The following NEK9 variants were observed in gnomAD, a reference collection of about 807,000 sequenced individuals.
NEK9 encodes NIMA related kinase 9.
Under a neutral mutation model 123.4 loss-of-function variants are expected in NEK9, and 75 were observed. The ratio of observed to expected loss-of-function variants is 0.61; its 90% CI spans 0.50 to 0.74. The LOEUF is 0.74. Ranked by LOEUF, NEK9 falls within the 30% of genes least tolerant of loss-of-function variation. The pLI is 0.00. For synonymous variants in NEK9, 438 were observed against 458.7 expected (o/e 0.95, Z 0.58); for missense variants, 952 against 1,214.4 (o/e 0.78, Z 3.21).
intron 5 of NEK9, 54 bp downstream of exon 5, chr14:75,118,776 A>G (rs1042396502): frequency 4.0e-6 from 4 of 1,012,566 alleles, no homozygotes; most frequent in Non-Finnish European, 6.2e-6. Context: ...GAGTACAGTT[A>G]TATTTCACAG....
rs995539306 is a variant in NEK9 at position 75,081,308 on chromosome 14, T to C, written c.*3256A>G. On this transcript the variant is annotated 3_prime_UTR_variant, in exon 22 of 22. Transcript: ENST00000238616. This position sits in a 1 kb window ranked among gnomAD's most constrained non-coding sequence, Gnocchi z 4.2. ...ACAGCACCTTCTGGCCAATGTTTGC[T>C]TTCATTATCAATTTATCACTCTCCA... The C allele has an allele frequency of 6.6e-6, 1 of 152,224 alleles. No homozygotes were observed. The highest frequency in any genetic ancestry group is 1.5e-5 in the Non-Finnish European group (1 of 68,046). The allele number at this position is 152,224 out of a possible 1,614,324, so 9.4% of individuals were successfully genotyped here.
chr14:75,123,038 G>A lies in NEK9; in HGVS notation c.397+1008C>T, dbSNP rs1895393192. Among the ~76,000 whole-genome samples the A allele has an allele frequency of 3.3e-5, 5 of 151,958 alleles. No individual in the cohort carries two copies. The South Asian group carries it at 1.0e-3, about 32-fold the overall frequency. ...TCAAACTCCTATGCTCAAGTGATCT[G>A]CTTGTCTTGGCTTCTCAAAGCGCTG... On this transcript the variant is annotated intron_variant, in intron 2 of 21. Coordinates refer to ENST00000238616, the MANE Select transcript of NEK9 (RefSeq NM_033116.6).
intron 8 of NEK9, among the ~76,000 whole-genome samples, chr14:75,111,760 G>A (rs1017176861): frequency 2.6e-5 from 4 of 152,094 alleles, no homozygotes; most frequent in Non-Finnish European, 1.5e-5. Flanking sequence ...GCGTGGTGGC[G>A]CCTGCCTGTA....
intron 1 of NEK9, among the ~76,000 whole-genome samples, chr14:75,125,884 A>G (rs1895506428): frequency 6.6e-6 from 1 of 152,236 alleles, no homozygotes; most frequent in African/African-American, 2.4e-5. Flanking sequence ...TTTTATGATC[A>G]AATCTAGTGT....
At chr14:75,116,501 G>A in intron 6 of NEK9, 1 of 359,090 alleles carries the variant, frequency 2.8e-6, no homozygotes, top group South Asian at 2.6e-5. Flanking sequence ...CACGTTTCTA[G>A]GAAAGTGATG....
At chr14:75,112,070 T>G (rs1894975492) in intron 8 of NEK9, among the ~76,000 whole-genome samples, 1 of 152,136 alleles carries the variant, frequency 6.6e-6, no homozygotes, top group Non-Finnish European at 1.5e-5. Flanking sequence ...TTTCAGGCAC[T>G]AAAACACTGG....
chr14:75,117,006 G>C (rs534094630), intron 6 of NEK9, among the ~76,000 whole-genome samples, 189 bp downstream of exon 6: 1 of 152,266 alleles, frequency 6.6e-6, no homozygotes, highest in Admixed American at 6.5e-5. Context: ...CAAAATGCTG[G>C]GATTACAGGC....
rs1321274900 is a variant in NEK9 at position 75,117,306 on chromosome 14, G to A, written c.651C>T (p.Tyr217=). The A allele has an allele frequency of 4.3e-6, 7 of 1,609,824 alleles. No individual in the cohort carries two copies. Among genetic ancestry groups the A allele is most frequent in the Non-Finnish European group, 5.1e-6 (6 of 1,178,866 alleles). The change falls in exon 6 of 22, where the codon TAC becomes TAT. Residue 217 remains tyrosine (Y), a synonymous_variant. Transcript: ENST00000238616. ...CTCCTTGACAGAGCTCTGGAGACAT[G>A]TAATATGGGGTTCCCACAAGCTGAG... ...MAETLVGTPY[Y]MSPELCQGVK... is the part of the protein sequence containing the mutation.
chr14:75,126,829 C>T lies in NEK9; in HGVS notation c.93G>A (p.Gly31=), dbSNP rs922605470. The part of the protein sequence containing the change: ...ESGGCGDSSP[G]PSASQGPRAG... ...CTCGCGGCCCCTGACTGGCGCTAGG[C>T]CCCGGACTCGAGTCCCCGCAACCCC... Residue 31 remains glycine, a synonymous_variant, in exon 1 of 22, where the codon GGG becomes GGA. Coordinates refer to ENST00000238616, the MANE Select transcript of NEK9 (RefSeq NM_033116.6). 5 of 1,533,938 alleles carry T rather than the reference C, an allele frequency of 3.3e-6. No individual in the cohort carries two copies. Among genetic ancestry groups the T allele is most frequent in the East Asian group, 5.2e-5 (2 of 38,572 alleles).
At chr14:75,091,606 T>C in intron 18 of NEK9, 128 bp from the exon 19 acceptor site, 2 of 722,122 alleles carry the variant, frequency 2.8e-6, no homozygotes, top group Non-Finnish European at 4.1e-6. Context: ...ACAGTGCAAG[T>C]CAAATGTTAG....
chr14:75,116,394 G>A (rs1895143244), intron 6 of NEK9: 1 of 197,820 alleles, frequency 5.1e-6, no homozygotes, highest in Non-Finnish European at 1.1e-5. Flanking sequence ...CTATGATCAC[G>A]ACACTGCACT....
chr14:75,110,169 C>A, intron 9 of NEK9, 152 bp downstream of exon 9: 3 of 654,992 alleles, frequency 4.6e-6, no homozygotes, highest in Non-Finnish European at 5.3e-6. Context: ...TTATAGCTTT[C>A]TTCTTAGAAA....
Position 75,117,291 on chromosome 14 carries a change from G to C in NEK9, c.666C>G (p.Leu222=). 1 of 1,613,426 alleles carries C rather than the reference G, an allele frequency of 6.2e-7. No homozygotes were observed. Among genetic ancestry groups the C allele is most frequent in the Non-Finnish European group, 8.5e-7 (1 of 1,179,786 alleles). ...TGAAATTGTACTTTACTCCTTGACAGAGCTCTGGAGACATGTAATATGGGG... is the reference window on the plus strand; with the variant it reads ...TGAAATTGTACTTTACTCCTTGACACAGCTCTGGAGACATGTAATATGGGG... ...VGTPYYMSPE[L]CQGVKYNFKS... Residue 222 remains leucine, a synonymous_variant, in exon 6 of 22, where the codon CTC becomes CTG. Transcript: ENST00000238616.
In NEK9 at chr14:75,108,640, C is replaced by T. The variant is rs150769802; in HGVS notation, c.1182+1045G>A. On this transcript the variant is annotated intron_variant, in intron 10 of 21. Coordinates refer to ENST00000238616, the MANE Select transcript of NEK9 (RefSeq NM_033116.6). The stretch of plus-strand genomic sequence containing the variant: ...TGCAATCTTGGTTCATTGCAATCTC[C>T]ACCTCCCAGGCTCAAGTGATTCTCA... Among the ~76,000 whole-genome samples the T allele has an allele frequency of 9.9e-3, 1,506 of 151,628 alleles. 20 individuals carry two copies. Among genetic ancestry groups the T allele is most frequent in the African/African-American group, 0.032 (1,324 of 41,312 alleles).
Position 75,084,012 on chromosome 14 carries a change from C to T in NEK9, c.*552G>A, listed in dbSNP as rs1351151442. On this transcript the variant is annotated 3_prime_UTR_variant, in exon 22 of 22. Coordinates refer to ENST00000238616, the MANE Select transcript of NEK9 (RefSeq NM_033116.6). ...AGTAACTGAACTTTTTCGAAACAAG[C>T]CCTAGATTGACTCCATCAGACATAT... The T allele has an allele frequency of 2.6e-5, 4 of 155,172 alleles. No individual in the cohort carries two copies. Among genetic ancestry groups the T allele is most frequent in the Non-Finnish European group, 5.7e-5 (4 of 69,880 alleles). 9.6% of individuals were successfully genotyped at this position (155,172 alleles called of 1,614,324 possible). A position where few individuals can be genotyped will look rare whatever the true frequency, so the allele number is the denominator to read the frequency against.
intron 21 of NEK9, chr14:75,085,018 G>A (rs1198090602): frequency 3.7e-6 from 1 of 270,698 alleles, no homozygotes; most frequent in Non-Finnish European, 7.4e-6. Context: ...GTGTGTGTGT[G>A]TTTTTGAGAC....
At chr14:75,126,141 T>C (rs1044694961) in intron 1 of NEK9, among the ~76,000 whole-genome samples, 6 of 152,144 alleles carry the variant, frequency 3.9e-5, no homozygotes, top group African/African-American at 1.2e-4. Flanking sequence ...TAAACACTGA[T>C]AAAGAACCAA....
intron 19 of NEK9, among the ~76,000 whole-genome samples, chr14:75,090,509 C>T (rs921222689): frequency 1.3e-5 from 2 of 151,866 alleles, no homozygotes; most frequent in Non-Finnish European, 2.9e-5. Flanking sequence ...TCCTCTTCTG[C>T]ATAGCCATAT....
rs752717751 is a variant in NEK9 at position 75,097,327 on chromosome 14, C to T, written c.2003-57G>A. ...ACAGAACACTGGCTTCCCAATTCTC[C>T]GGGTTCCCCATCTTTATATCCTAGA... On this transcript the variant is annotated intron_variant, in intron 16 of 21. Transcript: ENST00000238616. 1.2e-4 allele frequency: 167 copies of T among 1,428,110 alleles called. 1 individual carries two copies. The highest frequency in any genetic ancestry group is 4.3e-4 in the Admixed American group (18 of 41,994). The allele number at this position is 1,428,110 out of a possible 1,614,324, so 88.5% of individuals were successfully genotyped here. A position where few individuals can be genotyped will look rare whatever the true frequency, so the allele number is the denominator to read the frequency against.
Sources: allele counts gnomAD v4.1 joint callset (sites outside exome capture counted in the v4.1 genomes callset), GRCh38; gene constraint gnomAD v4.1.1; non-coding constraint Gnocchi (gnomAD v3.1); transcripts MANE v1.5; gene names NCBI Gene and HGNC (gene_info 2026-07-23, HGNC 2026-07-21).